SOCS6: variants seen among roughly 807,000 people sequenced by gnomAD.
SOCS6 encodes STAT induced STAT inhibitor-4.
In SOCS6, 5 loss-of-function variants were observed where a neutral mutation model predicts 27.7. That is an observed-to-expected ratio of 0.18 (90% CI 0.09 to 0.38). The LOEUF is 0.38. Among genes scored for constraint, SOCS6 ranks in the 10% least tolerant of loss-of-function variants. The probability of loss-of-function intolerance (pLI) is 1.00; values close to 1 mark genes in which losing one functional copy is unlikely to be tolerated. For synonymous variants in SOCS6, 271 were observed against 260.0 expected (o/e 1.04, Z -0.41); for missense variants, 595 against 688.1 (o/e 0.86, Z 1.51).
intron 1 of SOCS6, among the ~76,000 whole-genome samples, chr18:70,310,810 A>T (rs553540540): frequency 6.6e-6 from 1 of 152,330 alleles, no homozygotes; most frequent in Admixed American, 6.5e-5. Context: ...AAGTGAGTGC[A>T]CATTCAAGTA....
chr18:70,308,758 T>A (rs752740267), intron 1 of SOCS6, among the ~76,000 whole-genome samples: 4 of 152,210 alleles, frequency 2.6e-5, no homozygotes, highest in Admixed American at 6.5e-5. Context: ...AGTGCATATG[T>A]GTTTACAATT....
At chr18:70,302,337 AG>A (rs536146081) in intron 1 of SOCS6, among the ~76,000 whole-genome samples, 50 of 151,550 alleles carry the variant, frequency 3.3e-4, no homozygotes, top group Non-Finnish European at 5.6e-4. Flanking sequence ...AGGGGTAATG[AG>A]AGTGTTCCAG....
Position 70,324,532 on chromosome 18 carries a change from T to C in SOCS6, c.-126-11T>C. ...TTTTAATATGACTCTTTTTATATTT[T>C]TATTTTTTAGAAAATGGCTCCAAAG... On this transcript the variant is annotated splice_polypyrimidine_tract_variant and intron_variant, in intron 1 of 1. Transcript: ENST00000397942. 2 of 621,408 alleles carry C rather than the reference T, an allele frequency of 3.2e-6. No individual in the cohort carries two copies. Among genetic ancestry groups the C allele is most frequent in the Non-Finnish European group, 5.4e-6 (2 of 368,852 alleles). The allele number at this position is 621,408 out of a possible 1,614,324, so 38.5% of individuals were successfully genotyped here.
At chr18:70,295,213 T>C (rs1028552804) in intron 1 of SOCS6, among the ~76,000 whole-genome samples, 34 of 152,254 alleles carry the variant, frequency 2.2e-4, no homozygotes, top group African/African-American at 8.2e-4. Context: ...AATGTATGGC[T>C]CCTATTAGAT....
intron 1 of SOCS6, among the ~76,000 whole-genome samples, chr18:70,312,827 G>A (rs529115880): frequency 4.1e-5 from 6 of 144,728 alleles, no homozygotes; most frequent in Non-Finnish European, 7.4e-5. Flanking sequence ...AGGCTGGAGT[G>A]CAGTGGCGTG....
intron 1 of SOCS6, among the ~76,000 whole-genome samples, chr18:70,303,662 A>G (rs890585143): frequency 2.6e-5 from 4 of 152,104 alleles, no homozygotes; most frequent in African/African-American, 9.7e-5. Context: ...GAGTGGTGGC[A>G]TGTACTTGTA....
At position 70,324,823 on chromosome 18, in the gene SOCS6, C is replaced by A. The variant is rs767224648; in HGVS notation, c.155C>A (p.Ala52Asp). 1.2e-5 allele frequency: 20 copies of A among 1,613,994 alleles called. No individual in the cohort carries two copies. Residue 52 changes from alanine to aspartate, a missense_variant, in exon 2 of 2, where the codon GCC (alanine) becomes GAC (aspartate). Ala to Asp is a moderately radical substitution (Grantham distance 126). Transcript: ENST00000397942. ...GGTAGCTGCTATGGTAAAGATATGG[C>A]CAGCTGCGATATCAACGGTGAAGAT... ...LFGSCYGKDM[A>D]SCDINGEDEK...
intron 1 of SOCS6, among the ~76,000 whole-genome samples, chr18:70,316,003 A>G (rs1289318247): frequency 6.6e-6 from 1 of 151,766 alleles, no homozygotes; most frequent in Non-Finnish European, 1.5e-5. Context: ...CACTCCTGCC[A>G]CCACGCCCAG....
At position 70,325,013 on chromosome 18, in the gene SOCS6, C is replaced by T. The variant is rs141810837; in HGVS notation, c.345C>T (p.Asp115=). ...CCTCAGCACCCATAGTCTTTAAAGACGTGAGAGCTCAGAGGCCGATAAGGT... is the reference window on the plus strand; with the variant it reads ...CCTCAGCACCCATAGTCTTTAAAGATGTGAGAGCTCAGAGGCCGATAAGGT... ...SSSSAPIVFK[D]VRAQRPIRST... Residue 115 remains aspartate, a synonymous_variant, in exon 2 of 2, where the codon GAC becomes GAT. Coordinates refer to ENST00000397942, the MANE Select transcript of SOCS6 (RefSeq NM_004232.4). This position sits in a 1 kb window ranked among gnomAD's most constrained non-coding sequence, Gnocchi z 6.3. 517 of 1,614,062 alleles carry T rather than the reference C, an allele frequency of 3.2e-4. 1 individual carries two copies. Among genetic ancestry groups the T allele is most frequent in the Middle Eastern group, 1.8e-3 (11 of 6,062 alleles).
At chr18:70,318,529 T>A (rs1910853291) in intron 1 of SOCS6, among the ~76,000 whole-genome samples, 1 of 151,604 alleles carries the variant, frequency 6.6e-6, no homozygotes, top group African/African-American at 2.4e-5. Context: ...TTGGAAAGAG[T>A]GGAAATACTG....
At chr18:70,291,858 A>C (rs141176243) in intron 1 of SOCS6, among the ~76,000 whole-genome samples, 34 of 152,302 alleles carry the variant, frequency 2.2e-4, no homozygotes, top group African/African-American at 7.2e-4. Context: ...AAAAAGGAGA[A>C]ACTTTCTTAT....
At chr18:70,309,905 C>T (rs1017270706) in intron 1 of SOCS6, among the ~76,000 whole-genome samples, 8 of 152,038 alleles carry the variant, frequency 5.3e-5, no homozygotes, top group African/African-American at 9.7e-5. Context: ...AGGCTGGTCT[C>T]GAACTCCTGA....
intron 1 of SOCS6, among the ~76,000 whole-genome samples, chr18:70,305,165 G>C (rs929145474): frequency 6.6e-6 from 1 of 151,752 alleles, no homozygotes; most frequent in South Asian, 2.1e-4. Context: ...CCGAGATCGC[G>C]CCACTGCACT....
Position 70,324,785 on chromosome 18 carries a change from T to C in SOCS6, c.117T>C (p.Asp39=), listed in dbSNP as rs776531677. ...QPSLASDFGK[D]DSLFGSCYGK... Reference sequence around the variant, plus strand: ...CGCTAGCCAGTGACTTTGGAAAAGATGATTCCTTATTTGGTAGCTGCTATG... The same window carrying C: ...CGCTAGCCAGTGACTTTGGAAAAGACGATTCCTTATTTGGTAGCTGCTATG... The change falls in exon 2 of 2, where the codon GAT becomes GAC. Residue 39 remains aspartate, a synonymous_variant. Transcript: ENST00000397942. 1 of 1,614,054 alleles carries C rather than the reference T, an allele frequency of 6.2e-7. No homozygotes were observed. Among genetic ancestry groups the C allele is most frequent in the African/African-American group, 1.3e-5 (1 of 74,932 alleles).
chr18:70,324,518 C>A, intron 1 of SOCS6, 25 bp from the exon 2 acceptor site: 1 of 574,288 alleles, frequency 1.7e-6, no homozygotes, highest in Non-Finnish European at 3.0e-6. Flanking sequence ...TTTAATATGA[C>A]TCTTTTTATA....
chr18:70,321,823 A>C (rs1288098702), intron 1 of SOCS6, among the ~76,000 whole-genome samples: 1 of 152,178 alleles, frequency 6.6e-6, no homozygotes, highest in Non-Finnish European at 1.5e-5. Flanking sequence ...CTTTGCAAAT[A>C]AACAGCCAGG....
At chr18:70,294,200 C>G (rs2062313348) in intron 1 of SOCS6, among the ~76,000 whole-genome samples, 1 of 151,820 alleles carries the variant, frequency 6.6e-6, no homozygotes, top group African/African-American at 2.4e-5. Context: ...ACTCCTTTAT[C>G]TGACTGCTTT....
chr18:70,302,880 TA>T (rs1428275170), intron 1 of SOCS6, among the ~76,000 whole-genome samples: 2 of 152,096 alleles, frequency 1.3e-5, no homozygotes, highest in African/African-American at 2.4e-5. Context: ...AACAAAAAGC[TA>T]CAAAAAAACC....
intron 1 of SOCS6, among the ~76,000 whole-genome samples, chr18:70,306,238 G>A (rs2062368565): frequency 6.6e-6 from 1 of 150,960 alleles, no homozygotes; most frequent in Non-Finnish European, 1.5e-5. Flanking sequence ...CAAAAAAGCA[G>A]CCGAAGTGGG....
Sources: gnomAD v4.1 joint callset for allele counts (sites outside exome capture counted in the v4.1 genomes callset) on GRCh38, gnomAD v4.1.1 for gene constraint, Gnocchi (gnomAD v3.1) non-coding constraint, MANE v1.5 for transcripts, NCBI Gene and HGNC (gene_info 2026-07-23, HGNC 2026-07-21) for gene names.